The following NDUFA5 variants were observed in gnomAD, a reference collection of about 807,000 sequenced individuals.
NDUFA5 encodes the protein NADH:ubiquinone oxidoreductase subunit A5.
Under a neutral mutation model 19.8 loss-of-function variants are expected in NDUFA5, and 11 were observed. The observed-to-expected ratio is 0.56, with a 90% CI of 0.35 to 0.92. The LOEUF (loss-of-function observed/expected upper bound fraction) is 0.92, where lower values mean the gene tolerates loss of function less well. Ranked by LOEUF, NDUFA5 falls within the 40% of genes least tolerant of loss-of-function variation. The pLI, the probability that NDUFA5 is intolerant of heterozygous loss-of-function variation, is 0.01. For synonymous variants in NDUFA5, 47 were observed against 46.8 expected (o/e 1.00, Z -0.01); for missense variants, 109 against 134.2 (o/e 0.81, Z 0.93).
the NDUFA5 span, among the ~76,000 whole-genome samples, chr7:123,587,045 AT>A: frequency 1.3e-5 from 2 of 151,634 alleles, no homozygotes; most frequent in African/African-American, 4.8e-5. Context: ...TGATTTAGCC[AT>A]TTAAGGTCTT....
Position 123,551,526 on chromosome 7 carries a change from G to C in NDUFA5, c.67-940C>G, listed in dbSNP as rs117793268. ...AGCCTGAATCAGTATTTTTCAAAGT[G>C]AGGTCCGAAGCACTGCAAATTTTTT... On this transcript the variant is annotated intron_variant, in intron 2 of 4. Coordinates refer to ENST00000355749, the MANE Select transcript of NDUFA5 (RefSeq NM_005000.5). 163 of 978,310 alleles carry C rather than the reference G, an allele frequency of 1.7e-4. No homozygotes were observed. In the East Asian group the frequency reaches 3.7e-3, roughly 22 times the overall value. The allele number at this position is 978,310 out of a possible 1,614,324, so 60.6% of individuals were successfully genotyped here. A position where few individuals can be genotyped will look rare whatever the true frequency, so the allele number is the denominator to read the frequency against.
the NDUFA5 span, among the ~76,000 whole-genome samples, chr7:123,569,249 G>A: frequency 6.6e-6 from 1 of 151,996 alleles, no homozygotes; most frequent in East Asian, 1.9e-4. Flanking sequence ...TAACATTGAG[G>A]GAATAAAAAG....
At chr7:123,557,915 A>C (rs565083578), upstream of NDUFA5, 6 of 1,566,230 alleles carry the variant, frequency 3.8e-6, no homozygotes, top group Admixed American at 1.8e-5. Flanking sequence ...CCCCTTCAGG[A>C]TCGCCAAAGG....
At chr7:123,552,225 AC>A (rs1798369343) in intron 2 of NDUFA5, among the ~76,000 whole-genome samples, 1 of 151,922 alleles carries the variant, frequency 6.6e-6, no homozygotes. Flanking sequence ...AATAGCAAAG[AC>A]TTGGAACCAA....
the NDUFA5 span, among the ~76,000 whole-genome samples, chr7:123,600,126 T>TATC: frequency 5.9e-5 from 9 of 152,086 alleles, no homozygotes; most frequent in South Asian, 2.1e-4. Context: ...ATGGTCATTG[T>TATC]ATCATCATCA....
At chr7:123,575,494 G>A in the NDUFA5 span, among the ~76,000 whole-genome samples, 2 of 151,894 alleles carry the variant, frequency 1.3e-5, no homozygotes, top group Non-Finnish European at 2.9e-5. Context: ...TATCACTTCT[G>A]TATTGTGAGG....
intron 4 of NDUFA5, among the ~76,000 whole-genome samples, chr7:123,544,659 G>A (rs1304982873): frequency 7.0e-6 from 1 of 142,748 alleles, no homozygotes; most frequent in Non-Finnish European, 1.5e-5. Flanking sequence ...AAATAACCCA[G>A]ACTAAATGAC....
At chr7:123,587,853 T>C in the NDUFA5 span, among the ~76,000 whole-genome samples, 2 of 151,870 alleles carry the variant, frequency 1.3e-5, no homozygotes, top group African/African-American at 4.8e-5. Flanking sequence ...GATTTACTTA[T>C]GTTAAATTAT....
the NDUFA5 span, among the ~76,000 whole-genome samples, chr7:123,574,999 T>G: frequency 6.6e-6 from 1 of 151,550 alleles, no homozygotes; most frequent in African/African-American, 2.4e-5. Flanking sequence ...TAAGTTACAT[T>G]GATCCTTTTC....
the NDUFA5 span, among the ~76,000 whole-genome samples, chr7:123,593,391 T>G: frequency 6.8e-6 from 1 of 147,104 alleles, no homozygotes; most frequent in East Asian, 1.9e-4. Context: ...ATTTGGCATG[T>G]TTTTGCAGTG....
Position 123,546,844 on chromosome 7 carries a change from T to A in NDUFA5, c.184-1168A>T, listed in dbSNP as rs185542484. 5.7e-4 allele frequency: 286 copies of A among 505,126 alleles called. 2 individuals are homozygous for A. Among genetic ancestry groups the A allele is most frequent in the African/African-American group, 4.6e-3 (234 of 50,748 alleles). The allele number at this position is 505,126 out of a possible 1,614,324, so 31.3% of individuals were successfully genotyped here. On this transcript the variant is annotated intron_variant, in intron 3 of 4. Coordinates refer to ENST00000355749, the MANE Select transcript of NDUFA5 (RefSeq NM_005000.5). ...TGAAAAATACCACAAAAGATATACATGTATTAATTTCTAGAAACTGTGAGT... is the reference window on the plus strand; with the variant it reads ...TGAAAAATACCACAAAAGATATACAAGTATTAATTTCTAGAAACTGTGAGT...
the NDUFA5 span, among the ~76,000 whole-genome samples, chr7:123,565,055 G>C: frequency 1.2e-4 from 18 of 152,186 alleles, no homozygotes; most frequent in Non-Finnish European, 1.9e-4. Flanking sequence ...GCAAGCTGAT[G>C]AACTAGGAAA....
chr7:123,556,878 TAG>T (rs759571668), intron 2 of NDUFA5: 1 of 513,966 alleles, frequency 1.9e-6, no homozygotes, highest in Non-Finnish European at 3.9e-6. Context: ...TTGGAGAAAA[TAG>T]AGATAACTCT....
upstream of NDUFA5, chr7:123,558,175 T>C: frequency 3.6e-6 from 1 of 281,102 alleles, no homozygotes; most frequent in Non-Finnish European, 6.8e-6. Context: ...CCTTCCTTTC[T>C]CAGTTTAGTA....
chr7:123,591,216 T>C, the NDUFA5 span, among the ~76,000 whole-genome samples: 6 of 152,196 alleles, frequency 3.9e-5, no homozygotes, highest in Non-Finnish European at 7.3e-5. Flanking sequence ...CAATGGGATT[T>C]TCTAAATATA....
chr7:123,555,133 G>A (rs752742340), intron 2 of NDUFA5: 2 of 152,214 alleles, frequency 1.3e-5, no homozygotes, highest in African/African-American at 4.8e-5. Flanking sequence ...GACACATAAG[G>A]AAATGCATAG....
At chr7:123,588,425 T>TA in the NDUFA5 span, among the ~76,000 whole-genome samples, 2,013 of 151,802 alleles carry the variant, frequency 0.013, 21 homozygotes, top group Middle Eastern at 0.031. Context: ...TTAGGCCAGC[T>TA]AAAGTTTCGT....
the NDUFA5 span, among the ~76,000 whole-genome samples, chr7:123,594,586 T>C: frequency 6.6e-6 from 1 of 152,302 alleles, no homozygotes; most frequent in Non-Finnish European, 1.5e-5. Context: ...CTCCAGACCC[T>C]GTTTGCCTAG....
At chr7:123,551,506 G>A (rs1798338993) in intron 2 of NDUFA5, 1 of 976,322 alleles carries the variant, frequency 1.0e-6, no homozygotes, top group Non-Finnish European at 1.2e-6. Flanking sequence ...CACCCAGCCT[G>A]AATCAGTATT....
Sources: allele counts gnomAD v4.1 joint callset (sites outside exome capture counted in the v4.1 genomes callset), GRCh38; gene constraint gnomAD v4.1.1; transcripts MANE v1.5; gene names NCBI Gene and HGNC (gene_info 2026-07-23, HGNC 2026-07-21).